Variants in CACNA1A observed in about 807,000 individuals in gnomAD.
The protein encoded by CACNA1A is voltage-dependent P/Q-type calcium channel subunit alpha-1A.
A neutral mutation model predicts 262.4 loss-of-function variants in CACNA1A; 57 were observed. That is an observed-to-expected ratio of 0.22 (90% confidence interval 0.18 to 0.27). The LOEUF (loss-of-function observed/expected upper bound fraction) is 0.27. Among genes scored for constraint, CACNA1A ranks in the 10% least tolerant of loss-of-function variants. The pLI, the probability that CACNA1A is intolerant of heterozygous loss-of-function variation, is 1.00. For missense variants in CACNA1A, 2,526 were observed against 3,562.8 expected, an observed-to-expected ratio of 0.71 and a Z score of 7.41; for synonymous variants, 1,431 against 1,419.3, an observed-to-expected ratio of 1.01 and a Z score of -0.18.
intron 6 of CACNA1A, among the ~76,000 whole-genome samples, chr19:13,349,652 G>A (rs1282872695): frequency 5.3e-5 from 8 of 152,174 alleles, no homozygotes; most frequent in African/African-American, 1.9e-4. Context: ...CCTATTTGCT[G>A]TGGGAGGCTA....
intron 3 of CACNA1A, among the ~76,000 whole-genome samples, chr19:13,409,009 T>G (rs1175508395): frequency 6.6e-6 from 1 of 152,206 alleles, no homozygotes; most frequent in Non-Finnish European, 1.5e-5. Flanking sequence ...TTCGGCTTCG[T>G]GACATAGCCT....
At chr19:13,406,842 A>C (rs1189205173) in intron 3 of CACNA1A, among the ~76,000 whole-genome samples, 1 of 151,874 alleles carries the variant, frequency 6.6e-6, no homozygotes, top group Non-Finnish European at 1.5e-5. Flanking sequence ...CTTCAGGATA[A>C]AGTCCAAACT....
chr19:13,327,349 G>A (rs1485461944), intron 10 of CACNA1A, among the ~76,000 whole-genome samples: 1 of 151,364 alleles, frequency 6.6e-6, no homozygotes, highest in African/African-American at 2.4e-5. Context: ...GGTTTTGGTG[G>A]ATTTGCCTGT....
At chr19:13,395,189 G>A (rs1599360969) in intron 3 of CACNA1A, among the ~76,000 whole-genome samples, 1 of 143,454 alleles carries the variant, frequency 7.0e-6, no homozygotes, top group Non-Finnish European at 1.5e-5. Context: ...CAGGAGAATT[G>A]CTTGAACCCA....
rs1347672397 is a variant in CACNA1A, at chr19:13,330,397, GAC to G, written c.1256-66_1256-65del. 1.1e-5 allele frequency: 12 copies of G among 1,132,766 alleles called. No homozygotes were observed. In the South Asian group the frequency reaches 1.3e-4, roughly 12 times the overall value. 70.2% of individuals were successfully genotyped at this position (1,132,766 alleles called of 1,614,324 possible). ...CCCTTTTTGCAACACAGACCATATG[GAC>G]ACAGTGTGTCCTTGGATTTAACTCT... On this transcript the variant is annotated intron_variant, in intron 9 of 46. Coordinates refer to ENST00000360228, the MANE Select transcript of CACNA1A (RefSeq NM_001127222.2).
chr19:13,328,335 C>T (rs749009695), intron 10 of CACNA1A, among the ~76,000 whole-genome samples: 2 of 152,084 alleles, frequency 1.3e-5, no homozygotes, highest in Non-Finnish European at 1.5e-5. Flanking sequence ...GATGCACACA[C>T]GAGTGGAAGC....
At chr19:13,475,091 T>C (rs1236799370) in intron 1 of CACNA1A, among the ~76,000 whole-genome samples, 2 of 152,196 alleles carry the variant, frequency 1.3e-5, no homozygotes, top group African/African-American at 4.8e-5. Context: ...TACATGCATG[T>C]GACATTTCCA....
At chr19:13,497,897 C>T (rs187728044) in intron 1 of CACNA1A, among the ~76,000 whole-genome samples, 36 of 152,052 alleles carry the variant, frequency 2.4e-4, no homozygotes, top group Admixed American at 2.2e-3. Flanking sequence ...TGAGGCTCCA[C>T]AACTGTGAGC....
At position 13,206,681 on chromosome 19, in the gene CACNA1A, T is replaced by TA. The variant is rs1039321057; in HGVS notation, c.*631dup. ...CCTTTTTAAAATTGTTTATTGTTAT[T>TA]ATTATTTTTTTAAATTGATTTCTGC... On this transcript the variant is annotated 3_prime_UTR_variant, in exon 47 of 47. Coordinates refer to ENST00000360228, the MANE Select transcript of CACNA1A (RefSeq NM_001127222.2). 1 of 154,072 alleles carries TA rather than the reference T, an allele frequency of 6.5e-6. No individual in the cohort carries two copies. Among genetic ancestry groups the TA allele is most frequent in the African/African-American group, 2.4e-5 (1 of 41,410 alleles). 9.5% of individuals were successfully genotyped at this position (154,072 alleles called of 1,614,324 possible). A position where few individuals can be genotyped will look rare whatever the true frequency, so the allele number is the denominator to read the frequency against.
intron 3 of CACNA1A, among the ~76,000 whole-genome samples, chr19:13,438,262 C>A (rs2060648479): frequency 6.6e-6 from 1 of 152,222 alleles, no homozygotes; most frequent in African/African-American, 2.4e-5. Flanking sequence ...GAATGGGGCC[C>A]CAGTGGCCCC....
At chr19:13,414,036 C>G (rs2060178328) in intron 3 of CACNA1A, among the ~76,000 whole-genome samples, 1 of 151,772 alleles carries the variant, frequency 6.6e-6, no homozygotes. Flanking sequence ...GAAGCCTGGG[C>G]AACATAGTGG....
intron 40 of CACNA1A, chr19:13,213,708 A>G (rs2054900188): frequency 9.0e-6 from 1 of 111,608 alleles, no homozygotes. Context: ...TTTGAGATAG[A>G]GTCCTGCTCT....
At chr19:13,447,707 AACCATTGGTG>A (rs2060841310) in intron 3 of CACNA1A, among the ~76,000 whole-genome samples, 2 of 152,232 alleles carry the variant, frequency 1.3e-5, no homozygotes, top group Non-Finnish European at 2.9e-5. Flanking sequence ...GCTCCTGGCT[AACCATTGGTG>A]TAAGTCCATG....
intron 3 of CACNA1A, among the ~76,000 whole-genome samples, chr19:13,410,944 CCCTGGGCTCAGT>C (rs1343190185): frequency 6.6e-6 from 1 of 152,060 alleles, no homozygotes; most frequent in African/African-American, 2.4e-5. Flanking sequence ...GGAGAGTAAG[CCCTGGGCTCAGT>C]CCTGGGTGCT....
intron 24 of CACNA1A, among the ~76,000 whole-genome samples, chr19:13,266,372 A>G (rs1284771192): frequency 6.6e-6 from 1 of 152,024 alleles, no homozygotes; most frequent in Non-Finnish European, 1.5e-5. Context: ...GCACCTGGCT[A>G]AAGTTTCCTT....
intron 35 of CACNA1A, among the ~76,000 whole-genome samples, chr19:13,230,783 G>A (rs117510907): frequency 9.9e-5 from 15 of 151,288 alleles, no homozygotes; most frequent in Admixed American, 9.9e-4. Flanking sequence ...CTTTAGCCTG[G>A]GCAACAGAGT....
intron 1 of CACNA1A, among the ~76,000 whole-genome samples, chr19:13,504,146 C>A (rs1982732925): frequency 6.6e-6 from 1 of 152,162 alleles, no homozygotes; most frequent in South Asian, 2.1e-4. Flanking sequence ...TGGGTGTGCA[C>A]CCATGAATAC....
At chr19:13,372,001 T>C (rs1346988088) in intron 3 of CACNA1A, among the ~76,000 whole-genome samples, 3 of 152,094 alleles carry the variant, frequency 2.0e-5, no homozygotes, top group Non-Finnish European at 4.4e-5. Context: ...AGATGGTTCA[T>C]GTTGCACAAA....
chr19:13,335,912 G>A lies in CACNA1A; in HGVS notation c.979-3C>T. 6.3e-7 allele frequency: 1 copy of A among 1,583,042 alleles called. No homozygotes were observed. Among genetic ancestry groups the A allele is most frequent in the Non-Finnish European group, 8.6e-7 (1 of 1,159,394 alleles). On this transcript the variant is annotated splice_region_variant and splice_polypyrimidine_tract_variant and intron_variant, in intron 6 of 46. Coordinates refer to ENST00000360228, the MANE Select transcript of CACNA1A (RefSeq NM_001127222.2). ...GTGTTCCCTGAGGCATCGTTGCTCTGTAGGGTGTGAGGAGGGAAAGCAGGT... is the reference window on the plus strand; with the variant it reads ...GTGTTCCCTGAGGCATCGTTGCTCTATAGGGTGTGAGGAGGGAAAGCAGGT...
Sources: allele counts gnomAD v4.1 joint callset (sites outside exome capture counted in the v4.1 genomes callset), GRCh38; gene constraint gnomAD v4.1.1; transcripts MANE v1.5; gene names NCBI Gene and HGNC (gene_info 2026-07-23, HGNC 2026-07-21).